Variants in PACSIN2 observed in about 807,000 individuals in gnomAD.
PACSIN2 encodes protein kinase C and casein kinase substrate in neurons 2, also known as protein kinase C and casein kinase substrate in neurons protein 2.
PACSIN2 carries 25 observed loss-of-function variants against 63.8 expected under a neutral mutation model. The observed-to-expected ratio is 0.39, with a 90% CI of 0.29 to 0.55. The LOEUF (loss-of-function observed/expected upper bound fraction) is 0.55. Among genes scored for constraint, PACSIN2 ranks in the 20% least tolerant of loss-of-function variants. PACSIN2 has a pLI of 0.62. For missense variants in PACSIN2, 518 were observed against 646.9 expected (o/e 0.80, Z 2.16); for synonymous variants, 255 against 256.2 (o/e 1.00, Z 0.05).
At chr22:43,002,157 C>T (rs1005216387) in intron 1 of PACSIN2, among the ~76,000 whole-genome samples, 9 of 152,124 alleles carry the variant, frequency 5.9e-5, no homozygotes, top group African/African-American at 2.2e-4. Context: ...GAGCCAGGAA[C>T]CCCCATGAGA....
chr22:42,876,459 C>T (rs537401073), intron 9 of PACSIN2, 126 bp from the exon 10 acceptor site: 1 of 712,732 alleles, frequency 1.4e-6, no homozygotes, highest in Non-Finnish European at 2.3e-6. Flanking sequence ...CGAAGGAGCA[C>T]AGGTGGAGCC....
At chr22:42,982,634 C>A (rs1302944068) in intron 1 of PACSIN2, among the ~76,000 whole-genome samples, 1 of 127,302 alleles carries the variant, frequency 7.9e-6, no homozygotes, top group African/African-American at 3.1e-5. Context: ...GGATTAAGGG[C>A]GGTGCAAGAT....
At chr22:42,968,884 C>T (rs546306601) in intron 1 of PACSIN2, among the ~76,000 whole-genome samples, 86 of 152,350 alleles carry the variant, frequency 5.6e-4, no homozygotes, top group Non-Finnish European at 9.8e-4. Flanking sequence ...CTGAGAGCTA[C>T]ATGACTGGCT....
At chr22:42,882,389 C>G in intron 6 of PACSIN2, 85 bp from the exon 7 acceptor site, 1 of 1,462,240 alleles carries the variant, frequency 6.8e-7, no homozygotes, top group Non-Finnish European at 9.2e-7. Flanking sequence ...CAGCAGGTCC[C>G]GTGGTCTCTG....
intron 4 of PACSIN2, among the ~76,000 whole-genome samples, chr22:42,890,392 T>C (rs549432958): frequency 6.6e-6 from 1 of 152,330 alleles, no homozygotes; most frequent in African/African-American, 2.4e-5. Context: ...ACCACCAATG[T>C]ATGGTTCTGA....
chr22:42,975,081 C>G (rs1211686440), intron 1 of PACSIN2, among the ~76,000 whole-genome samples: 3 of 152,154 alleles, frequency 2.0e-5, no homozygotes, highest in Non-Finnish European at 4.4e-5. Flanking sequence ...TACATTGTAA[C>G]AAGGGTGGCA....
At chr22:42,952,669 T>A (rs1028648679) in intron 1 of PACSIN2, among the ~76,000 whole-genome samples, 4 of 131,898 alleles carry the variant, frequency 3.0e-5, no homozygotes, top group African/African-American at 1.6e-4. Flanking sequence ...ATTTATTTAT[T>A]TTTTTTTTTT....
intron 2 of PACSIN2, among the ~76,000 whole-genome samples, chr22:42,896,175 TC>T (rs1195215233): frequency 6.6e-6 from 1 of 151,952 alleles, no homozygotes; most frequent in East Asian, 1.9e-4. Flanking sequence ...TTGCAGCCCA[TC>T]CCCTCCCCAT....
chr22:42,985,671 T>C (rs1922558441), intron 1 of PACSIN2, among the ~76,000 whole-genome samples: 1 of 152,138 alleles, frequency 6.6e-6, no homozygotes, highest in Non-Finnish European at 1.5e-5. Context: ...CACAGACACA[T>C]TCACATGTCA....
At chr22:42,926,433 A>G (rs1932539577) in intron 1 of PACSIN2, among the ~76,000 whole-genome samples, 1 of 152,166 alleles carries the variant, frequency 6.6e-6, no homozygotes, top group Admixed American at 6.5e-5. Context: ...TATAGAAACC[A>G]TCACCGAAAA....
intron 2 of PACSIN2, among the ~76,000 whole-genome samples, chr22:42,902,663 C>T (rs1009623587): frequency 6.6e-6 from 1 of 152,084 alleles, no homozygotes; most frequent in African/African-American, 2.4e-5. Flanking sequence ...AGTGGTGCAT[C>T]TCAGCAGTGG....
At chr22:42,904,789 T>C (rs1449053396) in intron 2 of PACSIN2, among the ~76,000 whole-genome samples, 3 of 152,168 alleles carry the variant, frequency 2.0e-5, no homozygotes, top group Non-Finnish European at 4.4e-5. Flanking sequence ...TGGTTTACTT[T>C]ATGACTCCTG....
intron 5 of PACSIN2, among the ~76,000 whole-genome samples, chr22:42,886,755 C>G (rs1190887749): frequency 6.6e-6 from 1 of 152,184 alleles, no homozygotes; most frequent in Non-Finnish European, 1.5e-5. Flanking sequence ...GCTCTAGGCA[C>G]ACAAGGACCT....
chr22:42,896,960 A>C (rs1930331793), intron 2 of PACSIN2, among the ~76,000 whole-genome samples: 2 of 152,074 alleles, frequency 1.3e-5, no homozygotes, highest in African/African-American at 2.4e-5. Context: ...TTTTTGAGAC[A>C]GGGTCTTGCT....
chr22:42,901,260 C>T (rs769757307), intron 2 of PACSIN2, among the ~76,000 whole-genome samples: 3 of 152,142 alleles, frequency 2.0e-5, no homozygotes, highest in African/African-American at 4.8e-5. Flanking sequence ...GCCCATGGAA[C>T]CAGAGTCAAA....
chr22:42,898,904 C>T (rs1001506850), intron 2 of PACSIN2, among the ~76,000 whole-genome samples: 1 of 152,216 alleles, frequency 6.6e-6, no homozygotes, highest in Non-Finnish European at 1.5e-5. Context: ...GGGGCTCTAC[C>T]TGAAACCCAG....
intron 1 of PACSIN2, among the ~76,000 whole-genome samples, chr22:42,937,587 A>G (rs73176874): frequency 2.8e-3 from 428 of 152,180 alleles, no homozygotes; most frequent in Non-Finnish European, 4.9e-3. Flanking sequence ...ACACGGCCTC[A>G]TTCTCAAGGA....
At chr22:42,923,467 G>A (rs553683693) in intron 1 of PACSIN2, among the ~76,000 whole-genome samples, 1 of 152,058 alleles carries the variant, frequency 6.6e-6, no homozygotes, top group East Asian at 1.9e-4. Flanking sequence ...TCACTCTGTT[G>A]CCCAGGCTGG....
chr22:42,962,328 T>C (rs1934164661), intron 1 of PACSIN2, among the ~76,000 whole-genome samples: 1 of 152,156 alleles, frequency 6.6e-6, no homozygotes, highest in South Asian at 2.1e-4. Flanking sequence ...TATTTCTGGC[T>C]AATCATGAAA....
Sources: allele counts gnomAD v4.1 joint callset (sites outside exome capture counted in the v4.1 genomes callset), GRCh38; gene constraint gnomAD v4.1.1; transcripts MANE v1.5; gene names NCBI Gene and HGNC (gene_info 2026-07-23, HGNC 2026-07-21).